Variants in COL6A5 observed in about 807,000 individuals in gnomAD.
COL6A5 encodes the protein collagen type VI alpha 5 chain, also known as collagen alpha-5(VI) chain.
Under a neutral mutation model 65.6 loss-of-function variants are expected in COL6A5, and 48 were observed. The ratio of observed to expected loss-of-function variants is 0.73; its 90% confidence interval spans 0.58 to 0.93. The LOEUF (loss-of-function observed/expected upper bound fraction) is 0.93, where lower values mean the gene tolerates loss of function less well. COL6A5 is among the 40% of genes least tolerant of loss of function. COL6A5 has a pLI of 0.00. For synonymous variants in COL6A5, 291 were observed against 322.8 expected, an observed-to-expected ratio of 0.90 and a Z score of 1.05; for missense variants, 914 against 928.3, an observed-to-expected ratio of 0.98 and a Z score of 0.20.
chr3:130,357,350 C>T (rs1703615692), intron 1 of COL6A5, among the ~76,000 whole-genome samples: 1 of 152,210 alleles, frequency 6.6e-6, no homozygotes, highest in African/African-American at 2.4e-5. Flanking sequence ...ACACTTTTGG[C>T]CTTGTCGGTA....
chr3:130,447,256 G>A (rs1318504063), intron 4 of COL6A5, among the ~76,000 whole-genome samples: 1 of 152,148 alleles, frequency 6.6e-6, no homozygotes, highest in East Asian at 1.9e-4. Flanking sequence ...GGTATCTACA[G>A]AGACATGCAC....
chr3:130,452,494 G>T (rs1243357635), intron 4 of COL6A5, among the ~76,000 whole-genome samples: 1 of 152,070 alleles, frequency 6.6e-6, no homozygotes, highest in Non-Finnish European at 1.5e-5. Flanking sequence ...CCCACAAGCC[G>T]CAAAACCAGC....
In COL6A5 at chr3:130,405,967, A is replaced by G; in HGVS notation, c.4354-26A>G. On this transcript the variant is annotated intron_variant and NMD_transcript_variant, in intron 14 of 41. Transcript: ENST00000312481. ...ATCCACACTCTGTCTTTGATTTGTCAGTGAGAGATATTTCATCTTTTGCAG... is the reference window on the plus strand; with the variant it reads ...ATCCACACTCTGTCTTTGATTTGTCGGTGAGAGATATTTCATCTTTTGCAG... The G allele has an allele frequency of 2.6e-6, 4 of 1,550,086 alleles. No homozygotes were observed. In the South Asian group the frequency reaches 4.8e-5, roughly 18 times the overall value.
exon 8 of COL6A5, chr3:130,395,315 T>G (rs2107657356): frequency 6.4e-7 from 1 of 1,551,546 alleles, no homozygotes; most frequent in Non-Finnish European, 8.7e-7. Context: ...TGTCCTGGTT[T>G]TGGGCATAGG....
At chr3:130,379,347 AT>A (rs1421186673) in intron 3 of COL6A5, 70 bp from the exon 4 acceptor site, 1 of 1,332,784 alleles carries the variant, frequency 7.5e-7, no homozygotes, top group East Asian at 2.5e-5. Context: ...GTGCTTGATA[AT>A]GTAAAAAGTA....
At chr3:130,444,146 A>T (rs1203055399) in intron 4 of COL6A5, among the ~76,000 whole-genome samples, 2 of 152,124 alleles carry the variant, frequency 1.3e-5, no homozygotes, top group Non-Finnish European at 2.9e-5. Flanking sequence ...CAGCAGTCAG[A>T]ATTTAAGGTT....
chr3:130,440,850 C>T (rs1559905531), intron 3 of COL6A5, 25 bp downstream of exon 35: 1 of 1,561,302 alleles, frequency 6.4e-7, no homozygotes, highest in Non-Finnish European at 8.8e-7. Flanking sequence ...CATTGTTTGT[C>T]TTTTTTTTAA....
intron 28 of COL6A5, among the ~76,000 whole-genome samples, chr3:130,423,416 TC>T (rs1202307072): frequency 1.3e-5 from 2 of 152,158 alleles, no homozygotes; most frequent in Non-Finnish European, 2.9e-5. Flanking sequence ...TTCATTAGTA[TC>T]CGTATCCATC....
At chr3:130,364,854 T>A (rs1186981874) in intron 1 of COL6A5, among the ~76,000 whole-genome samples, 3 of 152,218 alleles carry the variant, frequency 2.0e-5, no homozygotes, top group African/African-American at 7.2e-5. Context: ...GTCAATTGAA[T>A]TCTGGTCAGG....
chr3:130,471,434 G>A (rs1461788730), intron 7 of COL6A5, among the ~76,000 whole-genome samples: 1 of 152,084 alleles, frequency 6.6e-6, no homozygotes, highest in Non-Finnish European at 1.5e-5. Flanking sequence ...ACAACCCTAA[G>A]TACTCAATAA....
rs1341342174 is a variant in COL6A5 at position 130,422,726 on chromosome 3, AT to A, written c.5046del (p.Ile1682MetfsTer18). ...TTTATATCTGAATCTTCAGGGTGAT[AT>A]TGGTAATCCTGGAATTCCTGGGGGA... On this transcript the variant is annotated frameshift_variant and NMD_transcript_variant, in exon 28 of 42. Transcript: ENST00000312481. 7 of 1,529,258 alleles carry A rather than the reference AT, an allele frequency of 4.6e-6. No homozygotes were observed. The African/African-American group carries it at 9.8e-5, about 21-fold the overall frequency. 94.7% of individuals were successfully genotyped at this position (1,529,258 alleles called of 1,614,324 possible).
rs1205996053 is a variant in COL6A5, at chr3:130,479,199, C to G, written c.2329-4836C>G. On this transcript the variant is annotated intron_variant, in intron 7 of 7. Transcript: ENST00000512836. ...TAAAGGACACAAGGGGACTCCTCTT[C>G]CCTTCCACCATGTGAGAATTTAGTG... Among the ~76,000 whole-genome samples, 3 of 152,032 alleles carry G rather than the reference C, an allele frequency of 2.0e-5. No homozygotes were observed. The East Asian group carries it at 5.8e-4, about 29-fold the overall frequency.
intron 4 of COL6A5, among the ~76,000 whole-genome samples, chr3:130,447,408 CTT>C (rs1709332909): frequency 6.6e-6 from 1 of 152,086 alleles, no homozygotes; most frequent in African/African-American, 2.4e-5. Flanking sequence ...GAACAATAAA[CTT>C]AGCCTGTTTC....
chr3:130,435,800 T>C (rs1212233149), intron 1 of COL6A5, among the ~76,000 whole-genome samples: 2 of 152,176 alleles, frequency 1.3e-5, no homozygotes, highest in Non-Finnish European at 2.9e-5. Context: ...CCTGAGATTT[T>C]GCTGAAGTTG....
intron 5 of COL6A5, among the ~76,000 whole-genome samples, chr3:130,466,135 A>G (rs1356116541): frequency 6.6e-6 from 1 of 152,080 alleles, no homozygotes; most frequent in African/African-American, 2.4e-5. Context: ...CCTAACTGAC[A>G]TTTGTAGAAC....
At chr3:130,468,844 T>C in exon 6 of COL6A5, 1 of 1,611,412 alleles carries the variant, frequency 6.2e-7, no homozygotes, top group South Asian at 1.1e-5. Flanking sequence ...CTTATGAACC[T>C]GGAGATGTCT....
At chr3:130,427,699 G>A (rs942337655), upstream of COL6A5, among the ~76,000 whole-genome samples, 5 of 152,034 alleles carry the variant, frequency 3.3e-5, no homozygotes, top group African/African-American at 1.2e-4. Context: ...GATGCATGAG[G>A]TTTCTCCAAA....
chr3:130,393,866 C>G (rs942160847), intron 7 of COL6A5, among the ~76,000 whole-genome samples: 1 of 152,206 alleles, frequency 6.6e-6, no homozygotes. Context: ...GGCAAGGCAT[C>G]TCTCTATAGT....
At chr3:130,376,651 G>C in exon 3 of COL6A5, 1 of 1,613,098 alleles carries the variant, frequency 6.2e-7, no homozygotes, top group South Asian at 1.1e-5. Flanking sequence ...CAGAAAGACG[G>C]GGTGAAAATT....
Sources: gnomAD v4.1 joint callset for allele counts (sites outside exome capture counted in the v4.1 genomes callset) on GRCh38, gnomAD v4.1.1 for gene constraint, MANE v1.5 for transcripts, NCBI Gene and HGNC (gene_info 2026-07-23, HGNC 2026-07-21) for gene names.